The following ATG16L1 variants were observed in gnomAD, a reference collection of about 807,000 sequenced individuals.
ATG16L1 encodes the protein autophagy-related protein 16-1.
ATG16L1 carries 37 observed loss-of-function variants against 88.5 expected under a neutral mutation model. The ratio of observed to expected loss-of-function variants is 0.42; its 90% CI spans 0.32 to 0.55. The LOEUF is 0.55. Among genes scored for constraint, ATG16L1 ranks in the 20% least tolerant of loss-of-function variants. ATG16L1 has a pLI of 0.13. For missense variants in ATG16L1, 554 were observed against 752.8 expected (o/e 0.74, Z 3.09); for synonymous variants, 301 against 281.0 (o/e 1.07, Z -0.71).
At chr2:233,275,799 A>C (rs775727808) in intron 9 of ATG16L1, 4 of 519,258 alleles carry the variant, frequency 7.7e-6, no homozygotes, top group Non-Finnish European at 1.5e-5. Context: ...AACTCCCAGC[A>C]GCCCATTTTT....
chr2:233,269,106 T>A (rs1423247634), intron 5 of ATG16L1, among the ~76,000 whole-genome samples: 1 of 152,190 alleles, frequency 6.6e-6, no homozygotes, highest in Admixed American at 6.5e-5. Flanking sequence ...GGATGAGACT[T>A]TGACCATGTT....
chr2:233,276,463 C>T lies in ATG16L1; in HGVS notation c.955-1105C>T, dbSNP rs564508901. Reference sequence around the variant, plus strand: ...TCTTAAGAGAGTATAGTGAATTTTTCGATTATTCCCTTTTCCCATTCTAGA... The same window carrying T: ...TCTTAAGAGAGTATAGTGAATTTTTTGATTATTCCCTTTTCCCATTCTAGA... On this transcript the variant is annotated intron_variant, in intron 9 of 17. Coordinates refer to ENST00000392017, the MANE Select transcript of ATG16L1 (RefSeq NM_030803.7). Among the ~76,000 whole-genome samples, 4 of 152,206 alleles carry T rather than the reference C, an allele frequency of 2.6e-5. No homozygotes were observed. In the South Asian group the frequency reaches 6.2e-4, roughly 24 times the overall value.
At chr2:233,260,274 G>A (rs1293387092) in intron 2 of ATG16L1, among the ~76,000 whole-genome samples, 1 of 152,190 alleles carries the variant, frequency 6.6e-6, no homozygotes, top group African/African-American at 2.4e-5. Context: ...TTCTAAGCAC[G>A]GTTCCTGGAC....
At position 233,289,909 on chromosome 2, in the gene ATG16L1, AT is replaced by A; in HGVS notation, c.1260del (p.Asn420LysfsTer24). 1.2e-6 allele frequency: 2 copies of A among 1,614,186 alleles called. No homozygotes were observed. Among genetic ancestry groups the A allele is most frequent in the Non-Finnish European group, 1.7e-6 (2 of 1,180,020 alleles). On this transcript the variant is annotated frameshift_variant, in exon 13 of 18. Transcript: ENST00000392017. LOFTEE classifies it high-confidence loss of function. ...KVLSAKFLLD[N>X]ARIVSGSHDR... The stretch of plus-strand genomic sequence containing the variant: ...CTGTCTGCTAAGTTCCTGCTGGACA[AT>A]GCGCGGATTGTCTCAGGAAGTCACG...
chr2:233,288,628 C>T, intron 12 of ATG16L1: 1 of 411,866 alleles, frequency 2.4e-6, no homozygotes, highest in Non-Finnish European at 4.9e-6. Flanking sequence ...ACCTTCTGAA[C>T]CTCTGGTGTT....
In ATG16L1 at chr2:233,290,145, T is replaced by G. The variant is rs143081777; in HGVS notation, c.1325-103T>G. The G allele has an allele frequency of 1.6e-4, 240 of 1,504,612 alleles. No individual in the cohort carries two copies. In the East Asian group the frequency reaches 5.4e-3, roughly 34 times the overall value. 93.2% of individuals were successfully genotyped at this position (1,504,612 alleles called of 1,614,324 possible). Reference sequence around the variant, plus strand: ...AGTTTTTCTTGTTTAAAGCTTCATTTAAGTGAGTAACTCTGACAAGTCAGT... The same window carrying G: ...AGTTTTTCTTGTTTAAAGCTTCATTGAAGTGAGTAACTCTGACAAGTCAGT... On this transcript the variant is annotated intron_variant, in intron 13 of 17. Coordinates refer to ENST00000392017, the MANE Select transcript of ATG16L1 (RefSeq NM_030803.7).
At position 233,294,531 on chromosome 2, in the gene ATG16L1, C is replaced by CT. The variant is rs1699681893; in HGVS notation, c.*183dup. The stretch of plus-strand genomic sequence containing the variant: ...TTCTGAAGATTTGACTGAGGTCTCT[C>CT]TTGGCCTGGAAGAATAACACTGAAA... On this transcript the variant is annotated 3_prime_UTR_variant, in exon 18 of 18. Transcript: ENST00000392017. 4.0e-6 allele frequency: 2 copies of CT among 499,346 alleles called. No individual in the cohort carries two copies. Among genetic ancestry groups the CT allele is most frequent in the South Asian group, 5.7e-5 (2 of 34,838 alleles). 30.9% of individuals were successfully genotyped at this position (499,346 alleles called of 1,614,324 possible). A position where few individuals can be genotyped will look rare whatever the true frequency, so the allele number is the denominator to read the frequency against.
rs1178530854 is a variant in ATG16L1 at position 233,266,604 on chromosome 2, C to G, written c.641+1461C>G. On this transcript the variant is annotated intron_variant, in intron 5 of 17. Transcript: ENST00000392017. ...AGAGTCTTTTAAAGGGAATAAATGA[C>G]GATAGGAAAGAGTCTTTTAAAGGGT... is the stretch of plus-strand genomic sequence containing the variant. 2.0e-5 allele frequency among the ~76,000 whole-genome samples: 3 copies of G among 151,890 alleles called. No individual in the cohort carries two copies. In the East Asian group the frequency reaches 5.8e-4, roughly 29 times the overall value.
At position 233,290,229 on chromosome 2, in the gene ATG16L1, A is replaced by G. The variant is rs771260865; in HGVS notation, c.1325-19A>G. The G allele has an allele frequency of 5.0e-6, 8 of 1,611,702 alleles. No individual in the cohort carries two copies. Among genetic ancestry groups the G allele is most frequent in the Non-Finnish European group, 6.8e-6 (8 of 1,177,824 alleles). Reference sequence around the variant, plus strand: ...CGTTGGTGCCTCTGCTTGATTAATGATGTTTGCATTTCTTTCAGGCATAAA... The same window carrying G: ...CGTTGGTGCCTCTGCTTGATTAATGGTGTTTGCATTTCTTTCAGGCATAAA... On this transcript the variant is annotated intron_variant, in intron 13 of 17. Transcript: ENST00000392017.
chr2:233,274,322 C>A, intron 8 of ATG16L1: 1 of 470,542 alleles, frequency 2.1e-6, no homozygotes, highest in East Asian at 3.3e-5. Context: ...AATAGTTTTG[C>A]AAAAAAGACC....
intron 1 of ATG16L1, among the ~76,000 whole-genome samples, chr2:233,252,565 A>T (rs12692254): frequency 0.42 from 64,387 of 151,588 alleles, 14,606 homozygotes; most frequent in Non-Finnish European, 0.52. Context: ...TTAAAAAAAA[A>T]TTTTTTGGAA....
At chr2:233,272,548 G>GGTGCCCCTAACTACCCTAC (rs979290353) in intron 6 of ATG16L1, among the ~76,000 whole-genome samples, 1 of 152,094 alleles carries the variant, frequency 6.6e-6, no homozygotes, top group Non-Finnish European at 1.5e-5. Context: ...AACTACCCTA[G>GGTGCCCCTAACTACCCTAC]GTACCCCTCA....
chr2:233,286,683 T>C (rs937667693), intron 12 of ATG16L1, among the ~76,000 whole-genome samples: 1 of 141,428 alleles, frequency 7.1e-6, no homozygotes, highest in Non-Finnish European at 1.5e-5. Context: ...TGGAGTGCAG[T>C]GGCGTGATCT....
intron 1 of ATG16L1, among the ~76,000 whole-genome samples, chr2:233,252,668 G>C (rs2125186695): frequency 6.6e-6 from 1 of 152,022 alleles, no homozygotes; most frequent in Admixed American, 6.5e-5. Context: ...GATTATAGGC[G>C]TGAGCCACCG....
chr2:233,260,782 CTGA>C (rs1366911344), intron 2 of ATG16L1, among the ~76,000 whole-genome samples: 2 of 152,154 alleles, frequency 1.3e-5, no homozygotes, highest in African/African-American at 4.8e-5. Context: ...GCTCCTCTGC[CTGA>C]TGATCTTGCC....
At chr2:233,252,029 C>G in intron 1 of ATG16L1, 87 bp downstream of exon 1, 1 of 1,158,098 alleles carries the variant, frequency 8.6e-7, no homozygotes, top group African/African-American at 1.6e-5. Flanking sequence ...AGGCCGAGTC[C>G]CTGGCGCCGC....
chr2:233,279,214 A>G (rs1008025524), intron 10 of ATG16L1, among the ~76,000 whole-genome samples: 8 of 152,222 alleles, frequency 5.3e-5, no homozygotes, highest in Non-Finnish European at 1.2e-4. Flanking sequence ...TTGATTTGCA[A>G]AATCAAAGTA....
chr2:233,287,597 G>T (rs1429725033), intron 12 of ATG16L1, among the ~76,000 whole-genome samples: 3 of 152,190 alleles, frequency 2.0e-5, no homozygotes, highest in African/African-American at 7.2e-5. Flanking sequence ...TTAATGTAAG[G>T]CCGGGCACAG....
chr2:233,256,048 A>G, intron 1 of ATG16L1, 54 bp from the exon 2 acceptor site: 2 of 1,402,796 alleles, frequency 1.4e-6, no homozygotes, highest in East Asian at 2.3e-5. Context: ...GTACCTAGCA[A>G]GTGTACATAC....
Sources: gnomAD v4.1 joint callset for allele counts (sites outside exome capture counted in the v4.1 genomes callset) on GRCh38, gnomAD v4.1.1 for gene constraint, MANE v1.5 for transcripts, NCBI Gene and HGNC (gene_info 2026-07-23, HGNC 2026-07-21) for gene names.